The following ECT2 variants were observed in gnomAD, a reference collection of about 807,000 sequenced individuals.
ECT2 encodes epithelial cell transforming 2.
A neutral mutation model predicts 116.9 loss-of-function variants in ECT2; 61 were observed. The ratio of observed to expected loss-of-function variants is 0.52; its 90% confidence interval spans 0.42 to 0.65. The LOEUF is 0.65. Among genes scored for constraint, ECT2 ranks in the 30% least tolerant of loss-of-function variants. The pLI, the probability that ECT2 is intolerant of heterozygous loss-of-function variation, is 0.00. For missense variants in ECT2, 937 were observed against 1,078.7 expected, an observed-to-expected ratio of 0.87 and a Z score of 1.84; for synonymous variants, 358 against 346.4, an observed-to-expected ratio of 1.03 and a Z score of -0.37.
chr3:172,795,043 G>A (rs1237308949), intron 18 of ECT2, among the ~76,000 whole-genome samples: 3 of 152,144 alleles, frequency 2.0e-5, no homozygotes, highest in Non-Finnish European at 4.4e-5. Context: ...TCTGATTTAT[G>A]AATATTTCCA....
At chr3:172,792,227 A>G (rs1320910895) in intron 18 of ECT2, among the ~76,000 whole-genome samples, 1 of 152,262 alleles carries the variant, frequency 6.6e-6, no homozygotes, top group African/African-American at 2.4e-5. Flanking sequence ...ATTGAGAGAA[A>G]TAGCAAAATG....
intron 18 of ECT2, among the ~76,000 whole-genome samples, chr3:172,799,500 A>G (rs1025811327): frequency 2.0e-5 from 3 of 152,234 alleles, no homozygotes; most frequent in African/African-American, 7.2e-5. Context: ...AAATTTCACA[A>G]TCAGTAACTG....
At position 172,757,096 on chromosome 3, in the gene ECT2, T is replaced by A; in HGVS notation, c.417T>A (p.Asn139Lys). 6.2e-7 allele frequency: 1 copy of A among 1,610,572 alleles called. No individual in the cohort carries two copies. The highest frequency in any genetic ancestry group is 1.1e-5 in the South Asian group (1 of 90,272). Residue 139 changes from asparagine (N) to lysine (K), a missense_variant, in exon 5 of 25, where the codon AAT becomes AAA. By Grantham distance (94) the Asn-to-Lys change is moderately conservative. Transcript: ENST00000392692. ...VVTDFQDSVF[N>K]DLYKADCRVI... ...CGGACTTTCAGGATTCTGTCTTTAA[T>A]GACCTCTACAAGGCTGATTGTAGAG...
the ECT2 span, chr3:172,828,708 G>A: frequency 1.7e-5 from 8 of 465,166 alleles, no homozygotes; most frequent in South Asian, 2.5e-5. Flanking sequence ...CAGCAGGGAC[G>A]GACAGGTGGC....
At chr3:172,826,660 T>A in the ECT2 span, among the ~76,000 whole-genome samples, 2 of 152,184 alleles carry the variant, frequency 1.3e-5, no homozygotes, top group African/African-American at 4.8e-5. Context: ...TGAGAGGAAG[T>A]CAACTACTGT....
rs747979598 is a variant in ECT2 at position 172,760,196 on chromosome 3, T to C, written c.617T>C (p.Ile206Thr). Residue 206 changes from isoleucine to threonine, a missense_variant, in exon 7 of 25, where the codon ATT becomes ACT. By Grantham distance (89) the Ile-to-Thr change is moderately conservative. Coordinates refer to ENST00000392692, the MANE Select transcript of ECT2 (RefSeq NM_001258315.2). ...VTLVHHMGGV[I>T]RKDFNSKVTH... ...TTGGTCCATCACATGGGTGGAGTTA[T>C]TCGAAAAGACTTTAATTCAAAAGTT... 2 of 1,612,516 alleles carry C rather than the reference T, an allele frequency of 1.2e-6. No individual in the cohort carries two copies. The highest frequency in any genetic ancestry group is 2.2e-5 in the East Asian group (1 of 44,722).
chr3:172,826,190 C>G (rs560261121), downstream of ECT2, among the ~76,000 whole-genome samples: 1 of 152,186 alleles, frequency 6.6e-6, no homozygotes, highest in African/African-American at 2.4e-5. Context: ...CCACCTCGCC[C>G]GGTCAATCTA....
intron 11 of ECT2, among the ~76,000 whole-genome samples, chr3:172,763,465 GTA>G (rs1316643562): frequency 1.3e-5 from 2 of 152,204 alleles, no homozygotes; most frequent in African/African-American, 4.8e-5. Context: ...AAGTAGTTTA[GTA>G]TGGCTTTACA....
intron 18 of ECT2, among the ~76,000 whole-genome samples, chr3:172,800,850 A>G (rs1220749435): frequency 6.6e-6 from 1 of 152,188 alleles, no homozygotes; most frequent in Non-Finnish European, 1.5e-5. Flanking sequence ...TGGTATGATT[A>G]CAAGAAAATC....
At chr3:172,763,301 A>G (rs1718702901) in intron 11 of ECT2, among the ~76,000 whole-genome samples, 1 of 152,222 alleles carries the variant, frequency 6.6e-6, no homozygotes, top group Non-Finnish European at 1.5e-5. Context: ...CAACTGAGTA[A>G]TGTATTTTAG....
intron 20 of ECT2, among the ~76,000 whole-genome samples, chr3:172,803,743 C>CCTTTT (rs896715517): frequency 2.6e-4 from 39 of 151,880 alleles, no homozygotes; most frequent in South Asian, 4.2e-4. Flanking sequence ...TAAGGAGTTT[C>CCTTTT]CTTTTCTTTT....
Position 172,764,566 on chromosome 3 carries a change from A to G in ECT2, c.1291+66A>G, listed in dbSNP as rs1040956326. The G allele has an allele frequency of 8.4e-6, 12 of 1,421,794 alleles. No individual in the cohort carries two copies. In the African/African-American group the frequency reaches 1.7e-4, roughly 20 times the overall value. 88.1% of individuals were successfully genotyped at this position (1,421,794 alleles called of 1,614,324 possible). On this transcript the variant is annotated intron_variant, in intron 12 of 24. Transcript: ENST00000392692. The stretch of plus-strand genomic sequence containing the variant: ...GAATGGAATAATTGTTAGAATTTAG[A>G]TAAATCCCTGATATAGTGAATATGG...
rs1322719801 is a variant in ECT2 at position 172,820,166 on chromosome 3, C to T, written c.2674C>T (p.Leu892Phe). The change falls in exon 25 of 25, where the codon CTT (leucine) becomes TTT (phenylalanine). Residue 892 changes from leucine (L) to phenylalanine (F), a missense_variant. Coordinates refer to ENST00000392692, the MANE Select transcript of ECT2 (RefSeq NM_001258315.2). The part of the protein sequence containing the change: ...SSLAGIPSPS[L>F]VSLPSFFERR... ...TTAACAGGGTATCCCTTCTCCCTCC[C>T]TTGTCAGCCTTCCTTCCTTCTTTGA... 2 of 1,609,918 alleles carry T rather than the reference C, an allele frequency of 1.2e-6. No individual in the cohort carries two copies. Among genetic ancestry groups the T allele is most frequent in the East Asian group, 2.2e-5 (1 of 44,684 alleles).
chr3:172,793,504 C>T (rs1287746842), intron 18 of ECT2, among the ~76,000 whole-genome samples: 1 of 150,892 alleles, frequency 6.6e-6, no homozygotes, highest in Non-Finnish European at 1.5e-5. Flanking sequence ...TACTCTGTTG[C>T]CCAGACTGGA....
downstream of ECT2, among the ~76,000 whole-genome samples, chr3:172,823,994 T>C (rs566501208): frequency 1.3e-5 from 2 of 151,590 alleles, no homozygotes; most frequent in African/African-American, 2.4e-5. Flanking sequence ...TCACCACTTA[T>C]ATTCTTTATG....
At chr3:172,825,860 GA>G (rs1481689506), downstream of ECT2, among the ~76,000 whole-genome samples, 1 of 152,210 alleles carries the variant, frequency 6.6e-6, no homozygotes, top group Non-Finnish European at 1.5e-5. Flanking sequence ...CAATGTAGAT[GA>G]AACAGCCTTC....
chr3:172,751,516 T>C (rs1348671197), intron 1 of ECT2, among the ~76,000 whole-genome samples: 1 of 152,214 alleles, frequency 6.6e-6, no homozygotes, highest in Non-Finnish European at 1.5e-5. Flanking sequence ...CTGCAGAGAT[T>C]AAAAGGTTTA....
At chr3:172,797,003 A>C (rs1191106968) in intron 18 of ECT2, among the ~76,000 whole-genome samples, 2 of 135,528 alleles carry the variant, frequency 1.5e-5, no homozygotes, top group Non-Finnish European at 3.2e-5. Context: ...TCTCAGATTC[A>C]TATATCAGGT....
intron 12 of ECT2, among the ~76,000 whole-genome samples, chr3:172,764,739 T>G (rs1246309197): frequency 1.3e-5 from 2 of 152,252 alleles, no homozygotes; most frequent in Non-Finnish European, 2.9e-5. Flanking sequence ...TTATTATTCC[T>G]GTTTTACAGA....
Sources: allele counts gnomAD v4.1 joint callset (sites outside exome capture counted in the v4.1 genomes callset), GRCh38; gene constraint gnomAD v4.1.1; transcripts MANE v1.5; gene names NCBI Gene and HGNC (gene_info 2026-07-23, HGNC 2026-07-21).